Variants in RAD21 observed in about 807,000 individuals in gnomAD.
The protein encoded by RAD21 is RAD21 cohesin complex component, also known as double-strand-break repair protein rad21 homolog.
Under a neutral mutation model 71.5 loss-of-function variants are expected in RAD21, and 18 were observed. That is an observed-to-expected ratio of 0.25 (90% CI 0.17 to 0.37). RAD21 has a LOEUF of 0.37. Among genes scored for constraint, RAD21 ranks in the 10% least tolerant of loss-of-function variants. RAD21 has a pLI of 1.00. For missense variants in RAD21, 493 were observed against 769.1 expected (o/e 0.64, Z 4.25); for synonymous variants, 248 against 254.0 (o/e 0.98, Z 0.22).
At chr8:116,854,080 T>C (rs140766458) in intron 9 of RAD21, among the ~76,000 whole-genome samples, 165 bp downstream of exon 9, 1 of 147,872 alleles carries the variant, frequency 6.8e-6, no homozygotes, top group Non-Finnish European at 1.5e-5. Context: ...TATCCATATA[T>C]TTCAGATGAA....
intron 3 of RAD21, among the ~76,000 whole-genome samples, chr8:116,862,750 A>G (rs1243821719): frequency 7.9e-5 from 12 of 152,276 alleles, no homozygotes; most frequent in Admixed American, 3.9e-4. Flanking sequence ...TTTACTTAGG[A>G]AAAAAAGTTT....
chr8:116,863,491 G>A (rs113374770), intron 2 of RAD21, among the ~76,000 whole-genome samples: 94 of 152,166 alleles, frequency 6.2e-4, no homozygotes, highest in African/African-American at 2.2e-3. Context: ...CATGAATTGT[G>A]TCATTAGCAC....
intron 12 of RAD21, among the ~76,000 whole-genome samples, chr8:116,849,936 T>C (rs1263759846): frequency 6.6e-6 from 1 of 152,146 alleles, no homozygotes; most frequent in Non-Finnish European, 1.5e-5. Context: ...AAGGACACCT[T>C]ATTTTAAATT....
At position 116,854,450 on chromosome 8, in the gene RAD21, T is replaced by C. The variant is rs1812421088; in HGVS notation, c.956A>G (p.Lys319Arg). 6.2e-7 allele frequency: 1 copy of C among 1,613,496 alleles called. No homozygotes were observed. The highest frequency in any genetic ancestry group is 1.1e-5 in the South Asian group (1 of 91,042). Residue 319 changes from lysine (K) to arginine (R), a missense_variant, in exon 9 of 14, where the codon AAG becomes AGG. Around this residue, in one of 5 missense-constraint regions of RAD21, gnomAD observed 42 missense variants for 117.2 expected, o/e 0.36. Transcript: ENST00000297338. ...IDITVKETKAKRKRKLIVDSV... is the reference protein window; with the variant it reads ...IDITVKETKARRKRKLIVDSV... ...GTCAACAATTAGCTTCCTCTTCCTC[T>C]TGGCTTTTGTTTCTTTAACTGGAAT...
Position 116,856,713 on chromosome 8 carries a change from A to C in RAD21, c.747T>G (p.Ser249=), listed in dbSNP as rs1397130870. 1.3e-6 allele frequency: 2 copies of C among 1,587,990 alleles called. No homozygotes were observed. Among genetic ancestry groups the C allele is most frequent in the Admixed American group, 3.5e-5 (2 of 57,332 alleles). ...GGIFDDPPAL[S]EAGVMLPEQP... is the part of the protein sequence containing the mutation. ...GCTCTGGCAACATCACCCCTGCCTCAGAGAGGGCAGGGGGATCATCAAAGA... is the reference window on the plus strand; with the variant it reads ...GCTCTGGCAACATCACCCCTGCCTCCGAGAGGGCAGGGGGATCATCAAAGA... The change falls in exon 7 of 14, where the codon TCT becomes TCG. Residue 249 remains serine (S), a synonymous_variant. Transcript: ENST00000297338.
At chr8:116,872,187 T>G (rs981937612) in intron 1 of RAD21, among the ~76,000 whole-genome samples, 2 of 152,186 alleles carry the variant, frequency 1.3e-5, no homozygotes, top group Non-Finnish European at 2.9e-5. Flanking sequence ...TTGAAGTATA[T>G]GGGATGTTAG....
intron 6 of RAD21, among the ~76,000 whole-genome samples, chr8:116,857,039 G>C (rs1012626858): frequency 1.3e-5 from 2 of 151,976 alleles, no homozygotes; most frequent in African/African-American, 4.8e-5. Flanking sequence ...AAACAGAACA[G>C]TTTTAAGTAC....
chr8:116,865,640 T>C (rs1240802876), intron 2 of RAD21, among the ~76,000 whole-genome samples: 1 of 152,172 alleles, frequency 6.6e-6, no homozygotes, highest in Non-Finnish European at 1.5e-5. Flanking sequence ...GTTTACTAAA[T>C]GGCTAGTCTT....
At chr8:116,866,798 T>A in intron 1 of RAD21, 37 bp from the exon 2 acceptor site, 1 of 1,409,580 alleles carries the variant, frequency 7.1e-7, no homozygotes, top group Non-Finnish European at 9.4e-7. Context: ...AAACATCATC[T>A]GACAATTTAA....
At chr8:116,862,070 T>G in intron 3 of RAD21, 130 bp from the exon 4 acceptor site, 1 of 614,456 alleles carries the variant, frequency 1.6e-6, no homozygotes, top group South Asian at 2.2e-5. Flanking sequence ...GCAAAATACC[T>G]TGAAGCACAA....
chr8:116,854,236 CT>C lies in RAD21; in HGVS notation c.1161+8del. On this transcript the variant is annotated splice_region_variant and intron_variant, in intron 9 of 13. Coordinates refer to ENST00000297338, the MANE Select transcript of RAD21 (RefSeq NM_006265.3). ...GTATATGAAGTAAAAATTCTGCAAACTATATTACCTTCAGTAGTCTGTTATT... is the reference window on the plus strand; with the variant it reads ...GTATATGAAGTAAAAATTCTGCAAACATATTACCTTCAGTAGTCTGTTATT... 1 of 1,594,576 alleles carries C rather than the reference CT, an allele frequency of 6.3e-7. No homozygotes were observed. Among genetic ancestry groups the C allele is most frequent in the Non-Finnish European group, 8.6e-7 (1 of 1,165,690 alleles).
intron 1 of RAD21, chr8:116,874,158 C>G (rs954446330): frequency 2.0e-5 from 3 of 152,052 alleles, no homozygotes; most frequent in Non-Finnish European, 4.4e-5. Context: ...GGGCTGGCAC[C>G]GCGGGCGCCG....
rs554882057 is a variant in RAD21, at chr8:116,859,724, T to C, written c.375-1266A>G. Among the ~76,000 whole-genome samples the C allele has an allele frequency of 2.0e-5, 3 of 150,870 alleles. No individual in the cohort carries two copies. In the East Asian group the frequency reaches 5.9e-4, roughly 29 times the overall value. On this transcript the variant is annotated intron_variant, in intron 4 of 13. Coordinates refer to ENST00000297338, the MANE Select transcript of RAD21 (RefSeq NM_006265.3). ...TCCTTGAGACACAACTACATTGAAA[T>C]AAGGCCAATTAATAACCCTACAATG...
rs142978916 is a variant in RAD21, at chr8:116,848,449, C to G, written c.1704+497G>C. Among the ~76,000 whole-genome samples the G allele has an allele frequency of 2.3e-3, 345 of 152,280 alleles. 1 individual carries two copies. The highest frequency in any genetic ancestry group is 8.0e-3 in the African/African-American group (334 of 41,544). On this transcript the variant is annotated intron_variant, in intron 13 of 13. Coordinates refer to ENST00000297338, the MANE Select transcript of RAD21 (RefSeq NM_006265.3). ...TAAAAAATTAATAAACACATGTCAA[C>G]TGTCCTATTTTAAGAAACCTTGAGC...
At chr8:116,856,990 A>G (rs569316483) in intron 6 of RAD21, among the ~76,000 whole-genome samples, 1 of 79,026 alleles carries the variant, frequency 1.3e-5, no homozygotes, top group East Asian at 6.2e-4. Flanking sequence ...TTATTTATCT[A>G]TTTTAAAAAA....
At chr8:116,871,229 A>T (rs1359968493) in intron 1 of RAD21, among the ~76,000 whole-genome samples, 1 of 152,138 alleles carries the variant, frequency 6.6e-6, no homozygotes, top group East Asian at 1.9e-4. Flanking sequence ...TAATCTGTTT[A>T]GATTTTGAAG....
At chr8:116,860,927 G>C (rs1812579919) in intron 4 of RAD21, among the ~76,000 whole-genome samples, 3 of 152,098 alleles carry the variant, frequency 2.0e-5, no homozygotes. Flanking sequence ...AGGTAAGCTG[G>C]GGAAACAGAT....
chr8:116,856,346 TC>T (rs1812466010), intron 7 of RAD21, 58 bp from the exon 8 acceptor site: 2 of 1,344,668 alleles, frequency 1.5e-6, no homozygotes, highest in African/African-American at 3.2e-5. Context: ...ATAACATATA[TC>T]CCACAAATGG....
intron 1 of RAD21, among the ~76,000 whole-genome samples, chr8:116,868,137 G>A (rs1812735470): frequency 6.6e-6 from 1 of 152,150 alleles, no homozygotes; most frequent in Non-Finnish European, 1.5e-5. Context: ...TGAACTCCTA[G>A]GCTCAAGCAA....
Sources: allele counts gnomAD v4.1 joint callset (sites outside exome capture counted in the v4.1 genomes callset), GRCh38; gene constraint gnomAD v4.1.1; regional missense constraint gnomAD v4.1.1; transcripts MANE v1.5; gene names NCBI Gene and HGNC (gene_info 2026-07-23, HGNC 2026-07-21).